Variants in HORMAD2 observed in about 807,000 individuals in gnomAD.
The protein encoded by HORMAD2 is HORMA domain-containing protein 2.
A neutral mutation model predicts 38.8 loss-of-function variants in HORMAD2; 45 were observed. The ratio of observed to expected loss-of-function variants is 1.16; its 90% CI spans 0.91 to 1.49. HORMAD2 has a LOEUF of 1.49. HORMAD2 is among the 40% of genes most tolerant of loss of function. HORMAD2 has a pLI of 0.00. For synonymous variants in HORMAD2, 126 were observed against 122.8 expected, an observed-to-expected ratio of 1.03 and a Z score of -0.17; for missense variants, 338 against 367.0, an observed-to-expected ratio of 0.92 and a Z score of 0.65.
chr22:30,105,161 G>A, intron 5 of HORMAD2: 1 of 165,112 alleles, frequency 6.1e-6, no homozygotes, highest in Non-Finnish European at 1.4e-5. Context: ...CTTCCTCTTG[G>A]TGCGGATGTG....
At chr22:30,157,468 A>C (rs1925152195) in intron 10 of HORMAD2, among the ~76,000 whole-genome samples, 1 of 146,936 alleles carries the variant, frequency 6.8e-6, no homozygotes, top group African/African-American at 2.5e-5. Context: ...TTTAACAGTG[A>C]TGGAAACTTG....
intron 10 of HORMAD2, among the ~76,000 whole-genome samples, chr22:30,159,139 A>G (rs902788858): frequency 1.3e-5 from 2 of 152,218 alleles, no homozygotes; most frequent in African/African-American, 4.8e-5. Context: ...ATGCGGAAAA[A>G]TTAGAAAAGT....
intron 1 of HORMAD2, among the ~76,000 whole-genome samples, chr22:30,083,481 G>A (rs957662713): frequency 1.3e-4 from 20 of 152,202 alleles, no homozygotes; most frequent in African/African-American, 4.8e-4. Context: ...GAGAATGCAT[G>A]CTCTCTAGAG....
At chr22:30,111,869 T>C in intron 6 of HORMAD2, 53 bp downstream of exon 6, 3 of 1,430,796 alleles carry the variant, frequency 2.1e-6, no homozygotes, top group Non-Finnish European at 1.9e-6. Context: ...TCATTGTCTT[T>C]TGGCAAGTGA....
At chr22:30,080,709 C>A (rs1363587901) in intron 1 of HORMAD2, among the ~76,000 whole-genome samples, 1 of 152,080 alleles carries the variant, frequency 6.6e-6, no homozygotes, top group African/African-American at 2.4e-5. Flanking sequence ...GCGATTTCCC[C>A]CAGAACTGGA....
At chr22:30,078,342 A>C (rs906567994), upstream of HORMAD2, among the ~76,000 whole-genome samples, 3 of 152,094 alleles carry the variant, frequency 2.0e-5, no homozygotes, top group African/African-American at 7.2e-5. Context: ...TTGGGGGCTC[A>C]AGCCTGTAAT....
At chr22:30,100,738 A>G (rs1289459862) in intron 3 of HORMAD2, among the ~76,000 whole-genome samples, 1 of 152,252 alleles carries the variant, frequency 6.6e-6, no homozygotes, top group Non-Finnish European at 1.5e-5. Flanking sequence ...ACAAATTTAC[A>G]AGAATAAAAC....
intron 10 of HORMAD2, among the ~76,000 whole-genome samples, chr22:30,163,624 C>T (rs952840068): frequency 6.6e-6 from 1 of 151,926 alleles, no homozygotes; most frequent in African/African-American, 2.4e-5. Context: ...GATGAAGTTT[C>T]TCCATGTTGC....
chr22:30,201,180 ATCCTTG>A, the HORMAD2 span, among the ~76,000 whole-genome samples: 1 of 152,024 alleles, frequency 6.6e-6, no homozygotes, highest in African/African-American at 2.4e-5. Flanking sequence ...GTTGCTGACA[ATCCTTG>A]GTGATTCTTG....
chr22:30,114,618 T>C (rs1416826429), intron 7 of HORMAD2, among the ~76,000 whole-genome samples: 5 of 152,162 alleles, frequency 3.3e-5, no homozygotes, highest in East Asian at 1.9e-4. Context: ...CTAAACAAAA[T>C]TGCACAAACA....
intron 10 of HORMAD2, among the ~76,000 whole-genome samples, chr22:30,149,628 C>T (rs1034030485): frequency 6.6e-5 from 10 of 152,182 alleles, no homozygotes; most frequent in South Asian, 2.1e-4. Context: ...AATTTCCTTT[C>T]GCCAACTTCC....
In HORMAD2 at chr22:30,176,119, G is replaced by T; in HGVS notation, c.876G>T (p.Lys292Asn). ...SQQSSECSRKKRKVSEPVKVF... is the reference protein window; with the variant it reads ...SQQSSECSRKNRKVSEPVKVF... The stretch of plus-strand genomic sequence containing the variant: ...AAAGTTCTGAGTGCTCCAGGAAGAA[G>T]AGGAAGGTCAGTGAACCAGTGAAGG... The change falls in exon 11 of 11, where the codon AAG (lysine) becomes AAT (asparagine). Residue 292 changes from lysine to asparagine, a missense_variant. Coordinates refer to ENST00000336726, the MANE Select transcript of HORMAD2 (RefSeq NM_152510.4). The T allele has an allele frequency of 1.2e-6, 2 of 1,613,340 alleles. No homozygotes were observed.
chr22:30,098,575 A>G (rs183492380), intron 2 of HORMAD2, among the ~76,000 whole-genome samples: 1 of 152,290 alleles, frequency 6.6e-6, no homozygotes, highest in African/African-American at 2.4e-5. Context: ...AGGGAAGAAG[A>G]TTATATAATC....
chr22:30,197,417 A>G, the HORMAD2 span, among the ~76,000 whole-genome samples: 1 of 152,182 alleles, frequency 6.6e-6, no homozygotes, highest in African/African-American at 2.4e-5. Flanking sequence ...TGCCTAATTC[A>G]GAACCATGAC....
At chr22:30,166,407 A>C (rs1925784325) in intron 10 of HORMAD2, among the ~76,000 whole-genome samples, 1 of 152,358 alleles carries the variant, frequency 6.6e-6, no homozygotes, top group Admixed American at 6.5e-5. Context: ...TGAGCACCAG[A>C]AATGTGGCTA....
intron 1 of HORMAD2, 77 bp from the exon 2 acceptor site, chr22:30,093,833 TTTTCAG>T: frequency 1.6e-6 from 1 of 622,962 alleles, no homozygotes; most frequent in Non-Finnish European, 2.7e-6. Flanking sequence ...CTTTTAGACT[TTTTCAG>T]TTTCATTTTT....
chr22:30,142,074 ACC>A lies in HORMAD2; in HGVS notation c.819+19862_819+19863del, dbSNP rs1411863405. The stretch of plus-strand genomic sequence containing the variant: ...AGACTAGCCTGAGCAACATAGTGAG[ACC>A]CAGTCTCTACAAAAAAACAACAAAA... On this transcript the variant is annotated intron_variant, in intron 10 of 10. Transcript: ENST00000336726. Among the ~76,000 whole-genome samples, 5 of 152,128 alleles carry A rather than the reference ACC, an allele frequency of 3.3e-5. No homozygotes were observed. In the East Asian group the frequency reaches 9.7e-4, roughly 29 times the overall value.
At chr22:30,088,130 C>T (rs551643065) in intron 1 of HORMAD2, among the ~76,000 whole-genome samples, 1 of 151,536 alleles carries the variant, frequency 6.6e-6, no homozygotes, top group South Asian at 2.1e-4. Context: ...CACACGTACA[C>T]ATGTGTACAT....
At chr22:30,127,069 A>T (rs1169279574) in intron 10 of HORMAD2, among the ~76,000 whole-genome samples, 1 of 151,996 alleles carries the variant, frequency 6.6e-6, no homozygotes, top group African/African-American at 2.4e-5. Context: ...TTGTCTTTCA[A>T]TCCTACTGAT....
Sources: allele counts gnomAD v4.1 joint callset (sites outside exome capture counted in the v4.1 genomes callset), GRCh38; gene constraint gnomAD v4.1.1; transcripts MANE v1.5; gene names NCBI Gene and HGNC (gene_info 2026-07-23, HGNC 2026-07-21).